ARHGEF39: variants seen among roughly 807,000 people sequenced by gnomAD.
ARHGEF39 encodes the protein Rho guanine nucleotide exchange factor (GEF) 39.
In ARHGEF39, 45 loss-of-function variants were observed where a neutral mutation model predicts 47.5. That is an observed-to-expected ratio of 0.95 (90% CI 0.75 to 1.22). The LOEUF (loss-of-function observed/expected upper bound fraction) is 1.22. Ranked by LOEUF, ARHGEF39 falls within the 50% of genes most tolerant of loss-of-function variation. The probability of loss-of-function intolerance (pLI) is 0.00; values close to 1 mark genes in which losing one functional copy is unlikely to be tolerated. For missense variants in ARHGEF39, 411 were observed against 425.3 expected (o/e 0.97, Z 0.30); for synonymous variants, 164 against 167.8 (o/e 0.98, Z 0.17).
At chr9:35,663,237 T>A (rs779644741) in intron 5 of ARHGEF39, 85 bp downstream of exon 5, 1 of 1,562,000 alleles carries the variant, frequency 6.4e-7, no homozygotes, top group Non-Finnish European at 8.8e-7. Context: ...GATAGGGTCA[T>A]ACCAGACATT....
At position 35,664,477 on chromosome 9, in the gene ARHGEF39, G is replaced by A. The variant is rs1208813418; in HGVS notation, c.249C>T (p.Tyr83=). Residue 83 remains tyrosine (Y), a synonymous_variant, in exon 3 of 9, where the codon TAC becomes TAT. Coordinates refer to ENST00000378387, the MANE Select transcript of ARHGEF39 (RefSeq NM_032818.3). ...CTTGGCCCCAGCATCCTCCTTCCAG[G>A]TAGGGAAGCAGCTCCCTGTGTGGGC... The part of the protein sequence containing the change: ...IYGASQELLP[Y]LEGGCWGQGL... The A allele has an allele frequency of 6.2e-7, 1 of 1,604,436 alleles. No individual in the cohort carries two copies. The highest frequency in any genetic ancestry group is 1.1e-5 in the South Asian group (1 of 89,954).
chr9:35,665,087 C>T lies in ARHGEF39; in HGVS notation c.83G>A (p.Arg28Gln), dbSNP rs866683588. The T allele has an allele frequency of 2.6e-6, 4 of 1,555,766 alleles. No homozygotes were observed. Among genetic ancestry groups the T allele is most frequent in the East Asian group, 2.4e-5 (1 of 42,166 alleles). ...GCGCCGCTCGGTCTCTAGCAGCTCCCGGGCGGTGCAGGCGCGTTTCCGCTC... is the reference window on the plus strand; with the variant it reads ...GCGCCGCTCGGTCTCTAGCAGCTCCTGGGCGGTGCAGGCGCGTTTCCGCTC... ...RWERKRACTA[R>Q]ELLETERRYQ... Residue 28 changes from arginine (R) to glutamine (Q), a missense_variant, in exon 1 of 9, where the codon CGG (arginine) becomes CAG (glutamine). Coordinates refer to ENST00000378387, the MANE Select transcript of ARHGEF39 (RefSeq NM_032818.3).
At position 35,664,836 on chromosome 9, in the gene ARHGEF39, G is replaced by T. The variant is rs1469552579; in HGVS notation, c.153C>A (p.Ile51=). ...LGLVATYFLG[I]LKAKGTLRPP... ...GTCGCAGGGTCCCCTTGGCTTTCAG[G>T]ATCCCCAAAAAGTACTGCGGAAGGA... Residue 51 remains isoleucine, a synonymous_variant, in exon 2 of 9, where the codon ATC becomes ATA. Coordinates refer to ENST00000378387, the MANE Select transcript of ARHGEF39 (RefSeq NM_032818.3). The T allele has an allele frequency of 3.1e-6, 5 of 1,609,966 alleles. No individual in the cohort carries two copies. The East Asian group carries it at 1.1e-4, about 36-fold the overall frequency.
At position 35,660,920 on chromosome 9, in the gene ARHGEF39, C is replaced by G. The variant is rs144841450; in HGVS notation, c.*1067G>C. 1.6e-5 allele frequency: 26 copies of G among 1,614,050 alleles called. No homozygotes were observed. The highest frequency in any genetic ancestry group is 2.2e-5 in the Non-Finnish European group (26 of 1,180,042). ...ACAAAGTCTCTGAAACTGGAACATT[C>G]CTGATCTCTCCCCACACAGAGGCCA... On this transcript the variant is annotated 3_prime_UTR_variant, in exon 9 of 9. Transcript: ENST00000378387.
Position 35,661,000 on chromosome 9 carries a change from ACAGT to A in ARHGEF39, c.*983_*986del, listed in dbSNP as rs534657208. 522 of 1,614,150 alleles carry A rather than the reference ACAGT, an allele frequency of 3.2e-4. 2 individuals carry two copies. In the African/African-American group the frequency reaches 5.7e-3, roughly 18 times the overall value. ...AAGGAGGACGAGGAGGAGATTGGTG[ACAGT>A]CAGGCCTGGGAGGAGCCCACAAACT... On this transcript the variant is annotated 3_prime_UTR_variant, in exon 9 of 9. Transcript: ENST00000378387.
Position 35,664,845 on chromosome 9 carries a change from A to G in ARHGEF39, c.144T>C (p.Phe48=), listed in dbSNP as rs752250328. The change falls in exon 2 of 9, where the codon TTT becomes TTC. Residue 48 remains phenylalanine, a synonymous_variant. Coordinates refer to ENST00000378387, the MANE Select transcript of ARHGEF39 (RefSeq NM_032818.3). The stretch of plus-strand genomic sequence containing the variant: ...TCCCCTTGGCTTTCAGGATCCCCAA[A>G]AAGTACTGCGGAAGGAGAGAACATT... The part of the protein sequence containing the change: ...QEQLGLVATY[F]LGILKAKGTL... 6.2e-7 allele frequency: 1 copy of G among 1,609,022 alleles called. No homozygotes were observed. The highest frequency in any genetic ancestry group is 8.5e-7 in the Non-Finnish European group (1 of 1,179,972).
At chr9:35,663,125 C>T in intron 5 of ARHGEF39, 51 bp from the exon 6 acceptor site, 1 of 1,606,822 alleles carries the variant, frequency 6.2e-7, no homozygotes, top group Non-Finnish European at 8.5e-7. Flanking sequence ...ACTTTGGGTG[C>T]CATGGTTGTG....
At chr9:35,665,001 C>G in intron 1 of ARHGEF39, 31 bp downstream of exon 1, 1 of 1,532,464 alleles carries the variant, frequency 6.5e-7, no homozygotes, top group South Asian at 1.2e-5. Flanking sequence ...GGTCCCTGTC[C>G]TATAATGGGA....
Position 35,661,063 on chromosome 9 carries a change from G to T in ARHGEF39, c.*924C>A. Reference sequence around the variant, plus strand: ...GAGACATGGAACCTAGCTACTTCCTGGGAGGTGGGGCGGGGACTACGGAGA... The same window carrying T: ...GAGACATGGAACCTAGCTACTTCCTTGGAGGTGGGGCGGGGACTACGGAGA... On this transcript the variant is annotated 3_prime_UTR_variant, in exon 9 of 9. Coordinates refer to ENST00000378387, the MANE Select transcript of ARHGEF39 (RefSeq NM_032818.3). The T allele has an allele frequency of 2.5e-6, 4 of 1,614,182 alleles. No individual in the cohort carries two copies. The highest frequency in any genetic ancestry group is 3.4e-6 in the Non-Finnish European group (4 of 1,180,024).
At chr9:35,662,769 G>A in intron 6 of ARHGEF39, 28 bp from the exon 7 acceptor site, 2 of 1,541,850 alleles carry the variant, frequency 1.3e-6, no homozygotes, top group South Asian at 1.2e-5. Context: ...TGTTATTCTG[G>A]TGCAGCTTCA....
Position 35,664,408 on chromosome 9 carries a change from A to C in ARHGEF39, c.318T>G (p.Phe106Leu). The change falls in exon 3 of 9, where the codon TTT (phenylalanine) becomes TTG (leucine). Residue 106 changes from phenylalanine to leucine, a missense_variant. Coordinates refer to ENST00000378387, the MANE Select transcript of ARHGEF39 (RefSeq NM_032818.3). ...FCRHLELYNQ[F>L]AANSERSQTT... ...TCTGGGACCTCTCTGAGTTGGCAGC[A>C]AATTGGTTATAGAGCTCCAAGTGGC... 1 of 1,613,266 alleles carries C rather than the reference A, an allele frequency of 6.2e-7. No individual in the cohort carries two copies. The highest frequency in any genetic ancestry group is 8.5e-7 in the Non-Finnish European group (1 of 1,179,548).
Position 35,662,012 on chromosome 9 carries a change from G to A in ARHGEF39, c.993-10C>T, listed in dbSNP as rs1337786010. 1 of 1,613,992 alleles carries A rather than the reference G, an allele frequency of 6.2e-7. No individual in the cohort carries two copies. The highest frequency in any genetic ancestry group is 1.1e-5 in the South Asian group (1 of 91,054). On this transcript the variant is annotated splice_polypyrimidine_tract_variant and intron_variant, in intron 8 of 8. Transcript: ENST00000378387. ...CTAGTTTTTCTGGCTGCTGTGGAGAGAAGACAGTCAGTTCAGGCACTGGTA... is the reference window on the plus strand; with the variant it reads ...CTAGTTTTTCTGGCTGCTGTGGAGAAAAGACAGTCAGTTCAGGCACTGGTA...
intron 4 of ARHGEF39, 123 bp downstream of exon 4, chr9:35,663,885 G>A: frequency 9.7e-7 from 1 of 1,030,748 alleles, no homozygotes; most frequent in Non-Finnish European, 1.5e-6. Flanking sequence ...AAGGTTTTTA[G>A]AAGCAATTTG....
Position 35,665,067 on chromosome 9 carries a change from G to T in ARHGEF39, c.103C>A (p.Arg35=). ...AGCCCCAGCTGTTCTTGGTAGCGCC[G>T]CTCGGTCTCTAGCAGCTCCCGGGCG... is the stretch of plus-strand genomic sequence containing the variant. ...CTARELLETE[R]RYQEQLGLVA... is the part of the protein sequence containing the mutation. The change falls in exon 1 of 9, where the codon CGG becomes AGG. Residue 35 remains arginine (R), a synonymous_variant. Coordinates refer to ENST00000378387, the MANE Select transcript of ARHGEF39 (RefSeq NM_032818.3). 1 of 1,563,000 alleles carries T rather than the reference G, an allele frequency of 6.4e-7. No individual in the cohort carries two copies. The highest frequency in any genetic ancestry group is 1.2e-5 in the South Asian group (1 of 85,532).
chr9:35,661,984 C>G lies in ARHGEF39; in HGVS notation c.*3G>C, dbSNP rs376843558. ...CCTGAGTTCTGGAATCTATAAGATT[C>G]CTCTAGTTTTTCTGGCTGCTGTGGA... On this transcript the variant is annotated 3_prime_UTR_variant, in exon 9 of 9. Transcript: ENST00000378387. The G allele has an allele frequency of 1.2e-6, 2 of 1,613,644 alleles. No homozygotes were observed. Among genetic ancestry groups the G allele is most frequent in the African/African-American group, 2.7e-5 (2 of 74,920 alleles).
chr9:35,665,123 C>A lies in ARHGEF39; in HGVS notation c.47G>T (p.Arg16Leu). The stretch of plus-strand genomic sequence containing the variant: ...GGCGCGTTTCCGCTCCCAGCGGGCA[C>A]GCTGCTCTTGCACCGGGCACCGCGA... ...PGSRCPVQEQ[R>L]ARWERKRACT... Residue 16 changes from arginine (R) to leucine (L), a missense_variant, in exon 1 of 9, where the codon CGT (arginine) becomes CTT (leucine). Transcript: ENST00000378387. 4.5e-6 allele frequency: 7 copies of A among 1,547,808 alleles called. No individual in the cohort carries two copies. Among genetic ancestry groups the A allele is most frequent in the Non-Finnish European group, 6.1e-6 (7 of 1,146,276 alleles).
intron 5 of ARHGEF39, 115 bp downstream of exon 5, chr9:35,663,207 C>A: frequency 6.4e-7 from 1 of 1,551,876 alleles, no homozygotes; most frequent in Non-Finnish European, 8.9e-7. Flanking sequence ...AGTAGGGACA[C>A]TGTATACATG....
In ARHGEF39 at chr9:35,664,853, G is replaced by A; in HGVS notation, c.139-3C>T. The stretch of plus-strand genomic sequence containing the variant: ...GCTTTCAGGATCCCCAAAAAGTACT[G>A]CGGAAGGAGAGAACATTGGTTCTTA... On this transcript the variant is annotated splice_region_variant and splice_polypyrimidine_tract_variant and intron_variant, in intron 1 of 8. Coordinates refer to ENST00000378387, the MANE Select transcript of ARHGEF39 (RefSeq NM_032818.3). The A allele has an allele frequency of 6.2e-7, 1 of 1,607,656 alleles. No homozygotes were observed.
In ARHGEF39 at chr9:35,664,756, T is replaced by C; in HGVS notation, c.233A>G (p.Gln78Arg). ...CTCTCCCTGTGCCCCTTCCACTCAC[T>C]GGCTGGCGCCGTAGATGAGCTCCCA... ...GSWELIYGAS[Q>R]ELLPYLEGGC... The change falls in exon 2 of 9, where the codon CAG becomes CGG. Residue 78 changes from glutamine (Q) to arginine (R), a missense_variant and splice_region_variant. Physicochemically the swap from Gln to Arg is conservative, Grantham distance 43 (BLOSUM62 1). Coordinates refer to ENST00000378387, the MANE Select transcript of ARHGEF39 (RefSeq NM_032818.3). 6.2e-7 allele frequency: 1 copy of C among 1,611,562 alleles called. No homozygotes were observed.
Sources: allele counts gnomAD v4.1 joint callset, GRCh38; gene constraint gnomAD v4.1.1; transcripts MANE v1.5; gene names NCBI Gene and HGNC (gene_info 2026-07-23, HGNC 2026-07-21).